Variants in DOK5 observed in about 807,000 individuals in gnomAD.
DOK5 encodes downstream of tyrosine kinase 5.
In DOK5, 27 loss-of-function variants were observed where a neutral mutation model predicts 43.3. The observed-to-expected ratio is 0.62, with a 90% CI of 0.46 to 0.86. The LOEUF (loss-of-function observed/expected upper bound fraction) is 0.86, where lower values mean the gene tolerates loss of function less well. Ranked by LOEUF, DOK5 falls within the 40% of genes least tolerant of loss-of-function variation. DOK5 has a pLI of 0.00. For missense variants in DOK5, 373 were observed against 392.9 expected (o/e 0.95, Z 0.43); for synonymous variants, 146 against 140.1 (o/e 1.04, Z -0.30).
At chr20:54,560,151 A>G (rs555173764) in intron 2 of DOK5, among the ~76,000 whole-genome samples, 2 of 152,280 alleles carry the variant, frequency 1.3e-5, no homozygotes, top group East Asian at 3.9e-4. Context: ...TTTCTGTACT[A>G]ATGATTCATT....
At chr20:54,516,109 G>C (rs1186935003) in intron 1 of DOK5, among the ~76,000 whole-genome samples, 1 of 152,176 alleles carries the variant, frequency 6.6e-6, no homozygotes, top group Admixed American at 6.5e-5. Context: ...TCAGAATCTG[G>C]GTCCCATATT....
intron 1 of DOK5, among the ~76,000 whole-genome samples, chr20:54,493,021 C>A (rs1982251041): frequency 7.0e-6 from 1 of 143,316 alleles, no homozygotes; most frequent in Admixed American, 7.1e-5. Context: ...AGCCACTGCA[C>A]TCCAGCCTGG....
chr20:54,614,248 G>A (rs959270079), intron 6 of DOK5, among the ~76,000 whole-genome samples: 11 of 151,830 alleles, frequency 7.2e-5, no homozygotes, highest in African/African-American at 2.4e-4. Context: ...CTTTCTTTTC[G>A]AACTAATACA....
chr20:54,598,424 A>G (rs1464997563), intron 5 of DOK5, among the ~76,000 whole-genome samples: 1 of 152,210 alleles, frequency 6.6e-6, no homozygotes, highest in East Asian at 1.9e-4. Flanking sequence ...TCCAATTGAC[A>G]TGAAGTTCTA....
chr20:54,602,141 G>A (rs1199414220), intron 5 of DOK5, among the ~76,000 whole-genome samples: 1 of 152,140 alleles, frequency 6.6e-6, no homozygotes, highest in Non-Finnish European at 1.5e-5. Context: ...TGGCTTTGAC[G>A]TTTTAAAGGG....
chr20:54,538,089 G>A (rs771645395), intron 1 of DOK5, among the ~76,000 whole-genome samples: 1 of 151,728 alleles, frequency 6.6e-6, no homozygotes, highest in Admixed American at 6.6e-5. Context: ...CTCCCGACTC[G>A]GCCTCCCAAA....
chr20:54,550,865 A>G (rs1984505809), intron 1 of DOK5, among the ~76,000 whole-genome samples: 1 of 151,760 alleles, frequency 6.6e-6, no homozygotes. Flanking sequence ...ATATTCATAT[A>G]CAGATTTTTT....
intron 5 of DOK5, among the ~76,000 whole-genome samples, chr20:54,606,485 T>C (rs1317002929): frequency 6.6e-6 from 1 of 152,248 alleles, no homozygotes; most frequent in Non-Finnish European, 1.5e-5. Context: ...ATCTTTGTTC[T>C]GTGTTGCATT....
At chr20:54,581,775 C>CT (rs1238130387) in intron 2 of DOK5, among the ~76,000 whole-genome samples, 1 of 151,830 alleles carries the variant, frequency 6.6e-6, no homozygotes, top group East Asian at 1.9e-4. Context: ...TTTGTTCTAA[C>CT]TTTTTTTGTG....
chr20:54,477,852 A>G (rs1404795775), intron 1 of DOK5, among the ~76,000 whole-genome samples: 4 of 152,202 alleles, frequency 2.6e-5, no homozygotes, highest in Non-Finnish European at 5.9e-5. Context: ...AAAACTGGTT[A>G]CCATCACTTT....
chr20:54,511,425 T>C (rs1437269244), intron 1 of DOK5, among the ~76,000 whole-genome samples: 1 of 152,204 alleles, frequency 6.6e-6, no homozygotes, highest in Non-Finnish European at 1.5e-5. Flanking sequence ...TACCAAAAGA[T>C]GAACCAAAGA....
intron 2 of DOK5, among the ~76,000 whole-genome samples, chr20:54,557,713 C>T (rs1984760166): frequency 6.6e-6 from 1 of 152,176 alleles, no homozygotes; most frequent in African/African-American, 2.4e-5. Context: ...CCCCAGGTAC[C>T]CACAGAGCTC....
chr20:54,493,325 C>T (rs1290277888), intron 1 of DOK5, among the ~76,000 whole-genome samples: 1 of 152,156 alleles, frequency 6.6e-6, no homozygotes, highest in Non-Finnish European at 1.5e-5. Context: ...ATGAGCCCAA[C>T]ACACCACCTT....
intron 5 of DOK5, among the ~76,000 whole-genome samples, chr20:54,602,575 A>G (rs1351208224): frequency 6.6e-6 from 1 of 152,212 alleles, no homozygotes; most frequent in African/African-American, 2.4e-5. Context: ...CCTGACACAC[A>G]TCTCTAAAAC....
chr20:54,590,820 A>T (rs1985955512), intron 4 of DOK5, among the ~76,000 whole-genome samples: 3 of 152,206 alleles, frequency 2.0e-5, no homozygotes, highest in Admixed American at 2.0e-4. Flanking sequence ...TGTTTGCTAT[A>T]GTAATATTTT....
chr20:54,619,113 A>G (rs142592920), intron 6 of DOK5, among the ~76,000 whole-genome samples: 2,083 of 133,992 alleles, frequency 0.016, 38 homozygotes, highest in Middle Eastern at 0.098. Context: ...TTATTTGTGT[A>G]GTTTTGGCTT....
At chr20:54,575,278 G>A (rs1357793743) in intron 2 of DOK5, among the ~76,000 whole-genome samples, 3 of 152,188 alleles carry the variant, frequency 2.0e-5, no homozygotes, top group Admixed American at 1.3e-4. Context: ...ATGGGATTCT[G>A]GATTGGAGTG....
At chr20:54,598,649 C>T (rs1208563107) in intron 5 of DOK5, among the ~76,000 whole-genome samples, 8 of 152,330 alleles carry the variant, frequency 5.3e-5, no homozygotes, top group South Asian at 4.1e-4. Context: ...TTTGGCAGAA[C>T]GTACTAAATA....
intron 6 of DOK5, among the ~76,000 whole-genome samples, chr20:54,638,855 T>G (rs904884594): frequency 3.3e-5 from 5 of 151,424 alleles, no homozygotes; most frequent in Admixed American, 1.3e-4. Context: ...CTAACTTTTG[T>G]ATTTTTAGTA....
Sources: gnomAD v4.1 joint callset for allele counts (sites outside exome capture counted in the v4.1 genomes callset) on GRCh38, gnomAD v4.1.1 for gene constraint, MANE v1.5 for transcripts, NCBI Gene and HGNC (gene_info 2026-07-23, HGNC 2026-07-21) for gene names.